SYT7: variants seen among roughly 807,000 people sequenced by gnomAD.
SYT7 encodes the protein synaptotagmin-7.
Under a neutral mutation model 75.1 loss-of-function variants are expected in SYT7, and 29 were observed. The ratio of observed to expected loss-of-function variants is 0.39; its 90% CI spans 0.29 to 0.53. The LOEUF (loss-of-function observed/expected upper bound fraction) is 0.53, where lower values mean the gene tolerates loss of function less well. Ranked by LOEUF, SYT7 falls within the 20% of genes least tolerant of loss-of-function variation. SYT7 has a pLI of 0.77. For synonymous variants in SYT7, 376 were observed against 401.7 expected, an observed-to-expected ratio of 0.94 and a Z score of 0.76; for missense variants, 693 against 953.2, an observed-to-expected ratio of 0.73 and a Z score of 3.59.
At chr11:61,569,895 T>G (rs1251611636) in intron 1 of SYT7, among the ~76,000 whole-genome samples, 1 of 152,106 alleles carries the variant, frequency 6.6e-6, no homozygotes, top group African/African-American at 2.4e-5. Flanking sequence ...CTGCACACCC[T>G]CCTACGCAGC....
chr11:61,521,064 G>A (rs967754276), intron 12 of SYT7, among the ~76,000 whole-genome samples: 1 of 152,200 alleles, frequency 6.6e-6, no homozygotes, highest in African/African-American at 2.4e-5. Flanking sequence ...TTAACTATTC[G>A]GAGGTCACGG....
chr11:61,558,591 A>G (rs2063563139), intron 1 of SYT7, among the ~76,000 whole-genome samples: 1 of 152,044 alleles, frequency 6.6e-6, no homozygotes, highest in African/African-American at 2.4e-5. Flanking sequence ...CCTGCCCACA[A>G]GGAACTACCA....
rs572155288 is a variant in SYT7 at position 61,531,060 on chromosome 11, T to G, written c.1200+1929A>C. The G allele has an allele frequency of 1.8e-5, 18 of 985,444 alleles. No individual in the cohort carries two copies. In the Admixed American group the frequency reaches 9.8e-4, roughly 54 times the overall value. The allele number at this position is 985,444 out of a possible 1,614,324, so 61.0% of individuals were successfully genotyped here. A position where few individuals can be genotyped will look rare whatever the true frequency, so the allele number is the denominator to read the frequency against. On this transcript the variant is annotated intron_variant, in intron 8 of 12. Coordinates refer to ENST00000539008, the MANE Select transcript of SYT7 (RefSeq NM_001365809.2). ...TTGGCCAGCTCTGGGTGCTTAACTC[T>G]TGTCTCTTGACCCCCAGATTCCACA...
chr11:61,541,945 T>C (rs1001387064), intron 6 of SYT7, among the ~76,000 whole-genome samples: 17 of 152,056 alleles, frequency 1.1e-4, no homozygotes, highest in African/African-American at 4.1e-4. Context: ...TTGTCCAGTG[T>C]CTCCACCTTT....
chr11:61,521,984 G>A (rs1180964839), intron 12 of SYT7, among the ~76,000 whole-genome samples: 1 of 152,194 alleles, frequency 6.6e-6, no homozygotes, highest in African/African-American at 2.4e-5. Flanking sequence ...GGCTCAGAGA[G>A]GTTACAGCGT....
In SYT7 at chr11:61,528,198, G is replaced by GA; in HGVS notation, c.1201-14dup. The GA allele has an allele frequency of 6.2e-7, 1 of 1,608,622 alleles. No individual in the cohort carries two copies. The highest frequency in any genetic ancestry group is 8.5e-7 in the Non-Finnish European group (1 of 1,179,438). On this transcript the variant is annotated splice_polypyrimidine_tract_variant and intron_variant, in intron 8 of 12. Transcript: ENST00000539008. ...AGCCTGGGGAGAGCTGGGGGTGGGG[G>GA]AGAGGCCGGCAGGGTTTGGGGAGGA...
chr11:61,561,506 G>A (rs922768413), intron 1 of SYT7, among the ~76,000 whole-genome samples: 12 of 152,160 alleles, frequency 7.9e-5, no homozygotes, highest in Admixed American at 5.9e-4. Context: ...CACCCCCCAA[G>A]GAGATCTCAG....
Position 61,580,650 on chromosome 11 carries a change from G to T in SYT7, c.31+140C>A, listed in dbSNP as rs2064233831. ...GCTGCCGCTCGATCCCGCGCCCCCGGGGCTGGGATGACCCCTGGGGGAGCC... is the reference window on the plus strand; with the variant it reads ...GCTGCCGCTCGATCCCGCGCCCCCGTGGCTGGGATGACCCCTGGGGGAGCC... On this transcript the variant is annotated intron_variant, in intron 1 of 12. Coordinates refer to ENST00000539008, the MANE Select transcript of SYT7 (RefSeq NM_001365809.2). The surrounding 1 kb of genome is among the most constrained non-coding windows in gnomAD (Gnocchi z 6.1). The T allele has an allele frequency of 1.3e-5, 6 of 469,046 alleles. No homozygotes were observed. In the South Asian group the frequency reaches 4.2e-4, roughly 33 times the overall value. 29.1% of individuals were successfully genotyped at this position (469,046 alleles called of 1,614,324 possible).
intron 1 of SYT7, among the ~76,000 whole-genome samples, chr11:61,566,540 C>T (rs935269675): frequency 3.3e-5 from 5 of 152,188 alleles, no homozygotes; most frequent in African/African-American, 1.2e-4. Context: ...CTGACACACT[C>T]CCCACCCACC....
chr11:61,521,693 C>T (rs917721099), intron 12 of SYT7, among the ~76,000 whole-genome samples: 7 of 152,166 alleles, frequency 4.6e-5, no homozygotes, highest in Non-Finnish European at 1.0e-4. Context: ...GTATCCAGTC[C>T]CCCTTTCCCT....
At chr11:61,567,226 T>C (rs1466751229) in intron 1 of SYT7, among the ~76,000 whole-genome samples, 1 of 152,170 alleles carries the variant, frequency 6.6e-6, no homozygotes, top group Non-Finnish European at 1.5e-5. Flanking sequence ...AACTCTCTGG[T>C]CCTAAGCCTC....
At chr11:61,577,635 C>T (rs757167500) in intron 1 of SYT7, among the ~76,000 whole-genome samples, 3 of 152,190 alleles carry the variant, frequency 2.0e-5, no homozygotes, top group African/African-American at 7.2e-5. Context: ...AGAAGAGGCC[C>T]GCTGTGCCAA....
intron 12 of SYT7, among the ~76,000 whole-genome samples, chr11:61,520,453 G>T (rs2062287342): frequency 6.6e-6 from 1 of 152,052 alleles, no homozygotes; most frequent in East Asian, 1.9e-4. Flanking sequence ...TGAGCCTGGG[G>T]AGGTCGAGGC....
rs1255254417 is a variant in SYT7 at position 61,523,208 on chromosome 11, A to G, written c.1823T>C (p.Met608Thr). Residue 608 changes from methionine to threonine, a missense_variant, in exon 12 of 13, where the codon ATG becomes ACG. Physicochemically the swap from Met to Thr is moderately conservative, Grantham distance 81. Around this residue, in one of 2 missense-constraint regions of SYT7, gnomAD observed 206 missense variants for 360.0 expected, o/e 0.57. Transcript: ENST00000539008. The surrounding 1 kb of genome is among the most constrained non-coding windows in gnomAD (Gnocchi z 5.0). ...GAAGATGGGGTTCAGGTTCCTCTTCATCGTCACCGTCTTCTTCTTCTCCAC... is the reference window on the plus strand; with the variant it reads ...GAAGATGGGGTTCAGGTTCCTCTTCGTCGTCACCGTCTTCTTCTTCTCCAC... ...KRVEKKKTVT[M>T]KRNLNPIFNE... The G allele has an allele frequency of 6.2e-7, 1 of 1,614,162 alleles. No individual in the cohort carries two copies. The highest frequency in any genetic ancestry group is 8.5e-7 in the Non-Finnish European group (1 of 1,180,052).
At chr11:61,584,125 C>T (rs1458645623), upstream of SYT7, among the ~76,000 whole-genome samples, 2 of 152,140 alleles carry the variant, frequency 1.3e-5, no homozygotes, top group East Asian at 1.9e-4. Context: ...CGCGGTGGCT[C>T]ACGCCTGTAA....
At chr11:61,563,490 T>A (rs2063692637) in intron 1 of SYT7, among the ~76,000 whole-genome samples, 1 of 152,164 alleles carries the variant, frequency 6.6e-6, no homozygotes, top group Non-Finnish European at 1.5e-5. Flanking sequence ...ACCATTATTA[T>A]CTCCATTTCA....
intron 2 of SYT7, among the ~76,000 whole-genome samples, 185 bp downstream of exon 2, chr11:61,555,919 C>CATGCATGCATGCGT (rs2063489496): frequency 6.6e-6 from 1 of 152,162 alleles, no homozygotes; most frequent in Admixed American, 6.5e-5. Context: ...GCAGGGTGTG[C>CATGCATGCATGCGT]ATGCATGCAT....
intron 1 of SYT7, among the ~76,000 whole-genome samples, chr11:61,559,064 C>A (rs2063574757): frequency 6.6e-6 from 1 of 152,236 alleles, no homozygotes; most frequent in South Asian, 2.1e-4. Context: ...CTCTTAACAG[C>A]TGTGTGACTT....
At chr11:61,587,386 A>T in the SYT7 span, among the ~76,000 whole-genome samples, 441 of 152,334 alleles carry the variant, frequency 2.9e-3, 1 homozygote, top group African/African-American at 0.01. Flanking sequence ...GGCTGCACAG[A>T]CAGGCATGCA....
Sources: gnomAD v4.1 joint callset for allele counts (sites outside exome capture counted in the v4.1 genomes callset) on GRCh38, gnomAD v4.1.1 for gene constraint, gnomAD v4.1.1 regional missense constraint, Gnocchi (gnomAD v3.1) non-coding constraint, MANE v1.5 for transcripts, NCBI Gene and HGNC (gene_info 2026-07-23, HGNC 2026-07-21) for gene names.